The following FRMPD4 variants were observed in gnomAD, a reference collection of about 807,000 sequenced individuals.
FRMPD4 encodes FERM and PDZ domain-containing protein 4.
A neutral mutation model predicts 94.1 loss-of-function variants in FRMPD4; 22 were observed. That is an observed-to-expected ratio of 0.23 (90% CI 0.17 to 0.33). FRMPD4 has a LOEUF of 0.33. FRMPD4 is among the 10% of genes least tolerant of loss of function. The probability of loss-of-function intolerance (pLI) is 1.00; values close to 1 mark genes in which losing one functional copy is unlikely to be tolerated. For synonymous variants in FRMPD4, 631 were observed against 548.6 expected (o/e 1.15, Z -2.10); for missense variants, 1,111 against 1,339.9 (o/e 0.83, Z 2.67).
At chrX:12,551,438 C>A (rs148568881) in intron 2 of FRMPD4, among the ~76,000 whole-genome samples, 1 of 110,943 alleles carries the variant, frequency 9.0e-6, no homozygotes, top group African/African-American at 3.3e-5. Flanking sequence ...AATTTCCTGT[C>A]CATGTTCAAT....
At chrX:11,899,341 CTA>C (rs1252862046) in intron 3 of FRMPD4, among the ~76,000 whole-genome samples, 4 of 108,332 alleles carry the variant, frequency 3.7e-5, no homozygotes, top group African/African-American at 6.7e-5. Context: ...GACATCAATC[CTA>C]ATCTTATTTT....
chrX:12,268,451 C>T (rs2054305754), intron 1 of FRMPD4, among the ~76,000 whole-genome samples: 1 of 112,070 alleles, frequency 8.9e-6, no homozygotes, highest in Non-Finnish European at 1.9e-5. Flanking sequence ...GTTCCAGTCT[C>T]AACTCTGTAC....
intron 1 of FRMPD4, among the ~76,000 whole-genome samples, chrX:12,278,292 A>T (rs2054472922): frequency 1.8e-5 from 2 of 112,123 alleles, no homozygotes; most frequent in African/African-American, 6.5e-5. Flanking sequence ...TTTTTCCCCC[A>T]GACCCTGGTT....
intron 2 of FRMPD4, among the ~76,000 whole-genome samples, chrX:12,552,086 T>C (rs1316841949): frequency 1.8e-5 from 2 of 111,713 alleles, no homozygotes; most frequent in Admixed American, 1.9e-4. Flanking sequence ...GTGAATTTGC[T>C]TTCTGGTATA....
At chrX:12,202,495 C>T (rs1360884326) in intron 1 of FRMPD4, among the ~76,000 whole-genome samples, 1 of 112,231 alleles carries the variant, frequency 8.9e-6, no homozygotes, top group Non-Finnish European at 1.9e-5. Flanking sequence ...TCTAAGAATA[C>T]TTATCTCCAA....
At chrX:12,395,750 A>G (rs1190766013) in intron 1 of FRMPD4, 1 of 112,236 alleles carries the variant, frequency 8.9e-6, no homozygotes, top group Non-Finnish European at 1.9e-5. Flanking sequence ...ATTGTATGCT[A>G]AATATATTCC....
At chrX:12,336,892 T>A (rs890835423) in intron 1 of FRMPD4, among the ~76,000 whole-genome samples, 1 of 111,181 alleles carries the variant, frequency 9.0e-6, no homozygotes, top group Non-Finnish European at 1.9e-5. Context: ...AGAAGAGCAA[T>A]GGAGTGAACC....
intron 2 of FRMPD4, among the ~76,000 whole-genome samples, chrX:12,532,571 T>C (rs984424410): frequency 1.8e-5 from 2 of 112,260 alleles, no homozygotes; most frequent in Non-Finnish European, 3.8e-5. Context: ...TTAAAGTTTG[T>C]GTAGATATAA....
intron 3 of FRMPD4, among the ~76,000 whole-genome samples, chrX:12,026,245 G>C (rs192282669): frequency 9.0e-6 from 1 of 111,196 alleles, no homozygotes; most frequent in East Asian, 2.8e-4. Flanking sequence ...GAATGTTAAG[G>C]TTGTTTTATC....
intron 1 of FRMPD4, among the ~76,000 whole-genome samples, chrX:12,395,584 G>A (rs2056533382): frequency 9.0e-6 from 1 of 111,186 alleles, no homozygotes. Context: ...AGAGTTATTT[G>A]GGGCTCTAGA....
At chrX:12,097,098 T>C (rs2055212901) in intron 3 of FRMPD4, among the ~76,000 whole-genome samples, 1 of 112,305 alleles carries the variant, frequency 8.9e-6, no homozygotes, top group Admixed American at 9.4e-5. Context: ...GATTATCCTG[T>C]AATTGATATA....
At chrX:12,441,303 C>A (rs2057133797) in intron 1 of FRMPD4, among the ~76,000 whole-genome samples, 1 of 112,310 alleles carries the variant, frequency 8.9e-6, no homozygotes, top group South Asian at 3.7e-4. Flanking sequence ...TTTAAAAAAC[C>A]CTCTAATTTG....
At chrX:11,843,565 CCTTTTTCTTTTT>C (rs368768787) in intron 1 of FRMPD4, among the ~76,000 whole-genome samples, 1 of 110,576 alleles carries the variant, frequency 9.0e-6, no homozygotes, top group Admixed American at 9.7e-5. Flanking sequence ...TCTTTTCTTT[CCTTTTTCTTTTT>C]CTTTTTCTTT....
At chrX:11,824,954 TAAA>T (rs200166478) in intron 1 of FRMPD4, among the ~76,000 whole-genome samples, 1 of 96,952 alleles carries the variant, frequency 1.0e-5, no homozygotes, top group Admixed American at 1.1e-4. Flanking sequence ...AGAGAATGGT[TAAA>T]AAAAAAAAAA....
intron 1 of FRMPD4, among the ~76,000 whole-genome samples, chrX:12,250,799 T>C (rs2054028212): frequency 9.0e-6 from 1 of 110,929 alleles, no homozygotes; most frequent in African/African-American, 3.3e-5. Context: ...TCAGGTCAAA[T>C]ACCCCCACTT....
At chrX:12,393,325 CAG>C (rs1024034580) in intron 1 of FRMPD4, among the ~76,000 whole-genome samples, 3 of 111,774 alleles carry the variant, frequency 2.7e-5, no homozygotes, top group African/African-American at 9.7e-5. Context: ...AAAGAAAAAA[CAG>C]AAAAAAAAAT....
intron 1 of FRMPD4, among the ~76,000 whole-genome samples, chrX:11,857,401 T>C (rs2053659764): frequency 9.0e-6 from 1 of 111,161 alleles, no homozygotes; most frequent in Non-Finnish European, 1.9e-5. Flanking sequence ...AACCTAGAAA[T>C]AAGAATGCAC....
chrX:12,509,584 G>A (rs1327120029), intron 2 of FRMPD4, among the ~76,000 whole-genome samples: 2 of 111,291 alleles, frequency 1.8e-5, no homozygotes, highest in African/African-American at 6.5e-5. Context: ...GGACTCAGAG[G>A]AAAGAGTGGG....
chrX:12,317,597 AAAAAAACAAAAAAAAC>A (rs1271546671), intron 1 of FRMPD4, among the ~76,000 whole-genome samples: 1 of 105,896 alleles, frequency 9.4e-6, no homozygotes, highest in African/African-American at 3.7e-5. Flanking sequence ...AAAAAAAAAA[AAAAAAACAAAAAAAAC>A]AAAAACCCAA....
Sources: allele counts gnomAD v4.1 joint callset (sites outside exome capture counted in the v4.1 genomes callset), GRCh38; gene constraint gnomAD v4.1.1; transcripts MANE v1.5; gene names NCBI Gene and HGNC (gene_info 2026-07-23, HGNC 2026-07-21).